DNAH11: variants seen among roughly 807,000 people sequenced by gnomAD.
The protein encoded by DNAH11 is dynein axonemal heavy chain 11, also known as axonemal beta dynein heavy chain 11.
Under a neutral mutation model 526.0 loss-of-function variants are expected in DNAH11, and 442 were observed. The ratio of observed to expected loss-of-function variants is 0.84; its 90% CI spans 0.78 to 0.91. The LOEUF is 0.91. Among genes scored for constraint, DNAH11 ranks in the 40% least tolerant of loss-of-function variants. The pLI is 0.00. For missense variants in DNAH11, 6,989 were observed against 5,448.7 expected, an observed-to-expected ratio of 1.28 and a Z score of -8.90; for synonymous variants, 2,461 against 1,935.9, an observed-to-expected ratio of 1.27 and a Z score of -7.12.
At position 21,660,432 on chromosome 7, in the gene DNAH11, C is replaced by CT. The variant is rs369742197; in HGVS notation, c.5328+1409dup. 8.4e-3 allele frequency among the ~76,000 whole-genome samples: 1,275 copies of CT among 151,422 alleles called. 50 individuals are homozygous for CT. In the South Asian group the frequency reaches 0.09, roughly 11 times the overall value. ...TTTCTAACTCTTATCTCCAACTTGT[C>CT]TTTTTTTTGTTTCTAGACTGTTTTA... On this transcript the variant is annotated intron_variant, in intron 30 of 81. Transcript: ENST00000409508.
chr7:21,685,598 A>C (rs987251542), intron 32 of DNAH11, among the ~76,000 whole-genome samples: 4 of 152,050 alleles, frequency 2.6e-5, no homozygotes, highest in Admixed American at 1.3e-4. Flanking sequence ...TAGGCAGGGG[A>C]GATAGTGTCT....
At chr7:21,622,216 A>G (rs1326148018) in intron 25 of DNAH11, among the ~76,000 whole-genome samples, 5 of 152,216 alleles carry the variant, frequency 3.3e-5, no homozygotes, top group Admixed American at 3.3e-4. Flanking sequence ...ACTCCCATTC[A>G]CAATTGCTTC....
At chr7:21,837,563 G>A (rs1248853664) in intron 65 of DNAH11, among the ~76,000 whole-genome samples, 2 of 152,152 alleles carry the variant, frequency 1.3e-5, no homozygotes, top group South Asian at 2.1e-4. Flanking sequence ...ACCAGAGGCA[G>A]GGGAGGTAAA....
intron 68 of DNAH11, among the ~76,000 whole-genome samples, chr7:21,861,218 G>A (rs943104528): frequency 3.3e-5 from 5 of 152,200 alleles, no homozygotes; most frequent in African/African-American, 9.7e-5. Flanking sequence ...AAAAAGCTCT[G>A]GCATCCTAGT....
chr7:21,717,652 A>C, intron 42 of DNAH11, 123 bp from the exon 43 acceptor site: 2 of 1,113,636 alleles, frequency 1.8e-6, no homozygotes, highest in South Asian at 3.8e-5. Flanking sequence ...AATAGAACGA[A>C]CTCACTAAAC....
At chr7:21,788,313 AG>A (rs1299603303) in intron 60 of DNAH11, among the ~76,000 whole-genome samples, 2 of 152,214 alleles carry the variant, frequency 1.3e-5, no homozygotes, top group African/African-American at 4.8e-5. Flanking sequence ...ATTTTCATAA[AG>A]CCAGGTTATT....
intron 61 of DNAH11, among the ~76,000 whole-genome samples, chr7:21,792,814 T>A (rs949264948): frequency 1.3e-5 from 2 of 152,096 alleles, no homozygotes; most frequent in African/African-American, 4.8e-5. Flanking sequence ...ATTTTGTTTA[T>A]CTTTTGAAAA....
At chr7:21,897,845 G>A (rs1206842223) in intron 79 of DNAH11, among the ~76,000 whole-genome samples, 6 of 152,240 alleles carry the variant, frequency 3.9e-5, no homozygotes, top group Admixed American at 2.0e-4. Flanking sequence ...TCGAACACCT[G>A]ACCTCAAGTG....
At chr7:21,702,149 C>T (rs532942065) in intron 36 of DNAH11, among the ~76,000 whole-genome samples, 104 of 152,028 alleles carry the variant, frequency 6.8e-4, no homozygotes, top group Non-Finnish European at 1.1e-3. Context: ...GAGCTCAGAC[C>T]CTGTGGGAGG....
chr7:21,833,412 G>T (rs1357767809), intron 65 of DNAH11, among the ~76,000 whole-genome samples: 3 of 152,178 alleles, frequency 2.0e-5, no homozygotes, highest in African/African-American at 7.2e-5. Flanking sequence ...GACAGGATGG[G>T]CTGGGCACAG....
chr7:21,897,476 C>G (rs1006524663), intron 79 of DNAH11, among the ~76,000 whole-genome samples: 4 of 152,180 alleles, frequency 2.6e-5, no homozygotes, highest in African/African-American at 9.7e-5. Flanking sequence ...ATGTTTTCCC[C>G]TGGCCATCCA....
In DNAH11 at chr7:21,861,883, G is replaced by A. The variant is rs182389910; in HGVS notation, c.11233G>A (p.Glu3745Lys). Residue 3745 changes from glutamate to lysine, a missense_variant, in exon 69 of 82, where the codon GAG (glutamate) becomes AAG (lysine). Coordinates refer to ENST00000409508, the MANE Select transcript of DNAH11 (RefSeq NM_001277115.2). ...AFNVLFHRAIEQADKVEDMQG... is the reference protein window; with the variant it reads ...AFNVLFHRAIKQADKVEDMQG... ...TAACGTGCTGTTCCACAGAGCGATC[G>A]AGCAGGCTGACAAGGTGGAAGACAT... 2.8e-3 allele frequency: 4,557 copies of A among 1,613,246 alleles called. 52 individuals carry two copies. In the Admixed American group the frequency reaches 0.031, roughly 11 times the overall value.
At chr7:21,885,553 G>GT (rs1427805202) in intron 76 of DNAH11, among the ~76,000 whole-genome samples, 1 of 152,042 alleles carries the variant, frequency 6.6e-6, no homozygotes, top group Non-Finnish European at 1.5e-5. Flanking sequence ...GCACAGTAGG[G>GT]TAACTGTAGT....
At chr7:21,684,353 A>C (rs868018540) in intron 32 of DNAH11, among the ~76,000 whole-genome samples, 1 of 152,214 alleles carries the variant, frequency 6.6e-6, no homozygotes, top group African/African-American at 2.4e-5. Context: ...TGATTCAACA[A>C]ATACTTCTGA....
At chr7:21,848,628 T>G (rs1451001238) in intron 66 of DNAH11, among the ~76,000 whole-genome samples, 4 of 152,096 alleles carry the variant, frequency 2.6e-5, no homozygotes, top group Admixed American at 6.5e-5. Context: ...TCACTCGCTC[T>G]CTCTCTCTGT....
At chr7:21,643,554 A>G (rs1787216947) in intron 28 of DNAH11, among the ~76,000 whole-genome samples, 1 of 152,222 alleles carries the variant, frequency 6.6e-6, no homozygotes. Context: ...GCTACTGAGC[A>G]CTTGAAATGT....
chr7:21,663,659 T>A (rs1346238016), intron 30 of DNAH11, among the ~76,000 whole-genome samples: 1 of 152,110 alleles, frequency 6.6e-6, no homozygotes, highest in African/African-American at 2.4e-5. Flanking sequence ...ATTTTTATAT[T>A]CCACATACAA....
At position 21,711,763 on chromosome 7, in the gene DNAH11, C is replaced by A; in HGVS notation, c.6886C>A (p.Leu2296Ile). ...ERIALTPFMR[L>I]LFEIHHLRSA... ...CATTGCACTCACTCCCTTCATGAGG[C>A]TTCTGTTTGAGATACATCACTTAAG... The change falls in exon 42 of 82, where the codon CTT becomes ATT. Residue 2296 changes from leucine (L) to isoleucine (I), a missense_variant. Leu to Ile is a conservative substitution (Grantham distance 5). Coordinates refer to ENST00000409508, the MANE Select transcript of DNAH11 (RefSeq NM_001277115.2). 1 of 1,613,902 alleles carries A rather than the reference C, an allele frequency of 6.2e-7. No individual in the cohort carries two copies. The highest frequency in any genetic ancestry group is 2.2e-5 in the East Asian group (1 of 44,876).
At chr7:21,866,958 G>A (rs1783305551) in intron 71 of DNAH11, among the ~76,000 whole-genome samples, 1 of 152,182 alleles carries the variant, frequency 6.6e-6, no homozygotes, top group South Asian at 2.1e-4. Context: ...GAGTTCAGAG[G>A]CCAGGAACAT....
Sources: gnomAD v4.1 joint callset for allele counts (sites outside exome capture counted in the v4.1 genomes callset) on GRCh38, gnomAD v4.1.1 for gene constraint, MANE v1.5 for transcripts, NCBI Gene and HGNC (gene_info 2026-07-23, HGNC 2026-07-21) for gene names.